The following SFMBT2 variants were observed in gnomAD, a reference collection of about 807,000 sequenced individuals.
The protein encoded by SFMBT2 is scm-like with four MBT domains protein 2.
SFMBT2 carries 38 observed loss-of-function variants against 110.1 expected under a neutral mutation model. The observed-to-expected ratio is 0.35, with a 90% CI of 0.27 to 0.45. The LOEUF is 0.45. Ranked by LOEUF, SFMBT2 falls within the 20% of genes least tolerant of loss-of-function variation. The pLI is 1.00. For synonymous variants in SFMBT2, 425 were observed against 425.4 expected (o/e 1.00, Z 0.01); for missense variants, 1,011 against 1,094.9 (o/e 0.92, Z 1.08).
At chr10:7,286,478 T>A (rs931037117) in intron 4 of SFMBT2, 4 of 446,456 alleles carry the variant, frequency 9.0e-6, no homozygotes, top group African/African-American at 6.4e-5. Flanking sequence ...CCCCTCCATA[T>A]CCATGGGTTC....
At chr10:7,257,573 C>T (rs547638377) in intron 7 of SFMBT2, among the ~76,000 whole-genome samples, 6 of 152,144 alleles carry the variant, frequency 3.9e-5, no homozygotes, top group Non-Finnish European at 7.3e-5. Context: ...AATCTACAGA[C>T]AGCAATGGAG....
intron 4 of SFMBT2, among the ~76,000 whole-genome samples, chr10:7,319,415 A>G (rs1390730684): frequency 1.3e-5 from 2 of 152,202 alleles, no homozygotes; most frequent in African/African-American, 4.8e-5. Context: ...CAACCAGCCT[A>G]TCTCAAACTG....
At chr10:7,363,762 T>C (rs1844803411) in intron 4 of SFMBT2, among the ~76,000 whole-genome samples, 1 of 152,150 alleles carries the variant, frequency 6.6e-6, no homozygotes, top group Non-Finnish European at 1.5e-5. Flanking sequence ...GACTCACCCA[T>C]GGAGCTAAGT....
At chr10:7,222,064 C>A (rs886166797) in intron 10 of SFMBT2, among the ~76,000 whole-genome samples, 3 of 152,196 alleles carry the variant, frequency 2.0e-5, no homozygotes, top group East Asian at 1.9e-4. Context: ...GGATCAGAAT[C>A]CCCATTTTAT....
chr10:7,343,408 T>C (rs942698217), intron 4 of SFMBT2, among the ~76,000 whole-genome samples: 4 of 152,182 alleles, frequency 2.6e-5, no homozygotes, highest in Non-Finnish European at 5.9e-5. Flanking sequence ...GTATTGCCCA[T>C]AAGGGACTGT....
At position 7,410,866 on chromosome 10, in the gene SFMBT2, G is replaced by A. The variant is rs1846358585; in HGVS notation, c.-57C>T. On this transcript the variant is annotated 5_prime_UTR_variant, in exon 1 of 21. Coordinates refer to ENST00000397167, the MANE Select transcript of SFMBT2 (RefSeq NM_001387889.1). The stretch of plus-strand genomic sequence containing the variant: ...CAGCCGGCGCGGCGTCCTACCTGGT[G>A]AAGTTCGTCCTGCCCTCGGCGTGGA... Among the ~76,000 whole-genome samples, 1 of 151,462 alleles carries A rather than the reference G, an allele frequency of 6.6e-6. No homozygotes were observed. Among genetic ancestry groups the A allele is most frequent in the Non-Finnish European group, 1.5e-5 (1 of 67,856 alleles).
intron 1 of SFMBT2, among the ~76,000 whole-genome samples, chr10:7,384,839 G>A (rs1254875295): frequency 2.6e-5 from 4 of 152,184 alleles, no homozygotes; most frequent in Admixed American, 6.5e-5. Flanking sequence ...AAATCTGGAC[G>A]TAGGAACTAC....
intron 1 of SFMBT2, among the ~76,000 whole-genome samples, chr10:7,395,350 C>T (rs547617945): frequency 1.3e-5 from 2 of 152,338 alleles, no homozygotes; most frequent in Middle Eastern, 3.4e-3. Flanking sequence ...CCTCCATGGC[C>T]GTCTGGCTTC....
chr10:7,288,651 C>T (rs1842171311), intron 4 of SFMBT2, among the ~76,000 whole-genome samples: 1 of 152,182 alleles, frequency 6.6e-6, no homozygotes, highest in African/African-American at 2.4e-5. Context: ...TTTACAAAGA[C>T]CTTTCATTCA....
intron 1 of SFMBT2, among the ~76,000 whole-genome samples, chr10:7,387,629 G>T (rs1178103588): frequency 6.6e-6 from 1 of 152,014 alleles, no homozygotes; most frequent in Non-Finnish European, 1.5e-5. Flanking sequence ...AGGAGCCGAG[G>T]ATAAGAGGAA....
At chr10:7,338,247 C>T (rs935608110) in intron 4 of SFMBT2, among the ~76,000 whole-genome samples, 11 of 152,150 alleles carry the variant, frequency 7.2e-5, no homozygotes, top group Non-Finnish European at 1.2e-4. Flanking sequence ...TCTGCCATAC[C>T]TCAAAAAATA....
At chr10:7,349,448 T>TC (rs1564452731) in intron 4 of SFMBT2, among the ~76,000 whole-genome samples, 3 of 121,668 alleles carry the variant, frequency 2.5e-5, no homozygotes, top group Non-Finnish European at 5.2e-5. Flanking sequence ...TTCTTTTTTT[T>TC]TTTTTTTTTT....
At chr10:7,315,107 A>AG (rs1564435646) in intron 4 of SFMBT2, among the ~76,000 whole-genome samples, 12 of 141,290 alleles carry the variant, frequency 8.5e-5, no homozygotes, top group African/African-American at 3.1e-4. Flanking sequence ...AAAGAAAGAA[A>AG]GAAAAAGCAA....
chr10:7,369,161 C>A, intron 3 of SFMBT2, among the ~76,000 whole-genome samples: 1 of 152,078 alleles, frequency 6.6e-6, no homozygotes, highest in Non-Finnish European at 1.5e-5. Flanking sequence ...ACTTGGCTAA[C>A]AGAAAATAAA....
intron 11 of SFMBT2, among the ~76,000 whole-genome samples, chr10:7,210,026 G>A (rs1216926481): frequency 3.3e-5 from 5 of 152,182 alleles, no homozygotes; most frequent in African/African-American, 4.8e-5. Flanking sequence ...GTTTCTAAGA[G>A]AACAAAGACT....
At chr10:7,297,836 G>A (rs944836105) in intron 4 of SFMBT2, among the ~76,000 whole-genome samples, 4 of 152,202 alleles carry the variant, frequency 2.6e-5, no homozygotes, top group Non-Finnish European at 4.4e-5. Flanking sequence ...TGTGACCTGG[G>A]TGAAAATGTG....
At chr10:7,334,890 C>T (rs921031298) in intron 4 of SFMBT2, among the ~76,000 whole-genome samples, 3 of 152,172 alleles carry the variant, frequency 2.0e-5, no homozygotes, top group Non-Finnish European at 2.9e-5. Flanking sequence ...TAGAACCTGC[C>T]ATCCAGGAGT....
chr10:7,278,366 T>G (rs1260610358), intron 6 of SFMBT2, among the ~76,000 whole-genome samples: 2 of 152,152 alleles, frequency 1.3e-5, no homozygotes, highest in East Asian at 3.9e-4. Context: ...CCCTGCAAGC[T>G]GCTCCATGAG....
intron 11 of SFMBT2, among the ~76,000 whole-genome samples, chr10:7,210,187 C>A (rs995888625): frequency 6.6e-6 from 1 of 152,138 alleles, no homozygotes; most frequent in Admixed American, 6.5e-5. Context: ...ACGGCTCCAC[C>A]CAGCCGATGA....
Sources: allele counts gnomAD v4.1 joint callset (sites outside exome capture counted in the v4.1 genomes callset), GRCh38; gene constraint gnomAD v4.1.1; transcripts MANE v1.5; gene names NCBI Gene and HGNC (gene_info 2026-07-23, HGNC 2026-07-21).